Variants in PSMC6 observed in about 807,000 individuals in gnomAD.
PSMC6 encodes the protein 26S proteasome regulatory subunit 10B.
PSMC6 carries 3 observed loss-of-function variants against 55.9 expected under a neutral mutation model. The ratio of observed to expected loss-of-function variants is 0.05; its 90% CI spans 0.02 to 0.14. The LOEUF (loss-of-function observed/expected upper bound fraction) is 0.14. Among genes scored for constraint, PSMC6 ranks in the 10% least tolerant of loss-of-function variants. The pLI is 1.00. For synonymous variants in PSMC6, 137 were observed against 155.9 expected, an observed-to-expected ratio of 0.88 and a Z score of 0.90; for missense variants, 210 against 478.7, an observed-to-expected ratio of 0.44 and a Z score of 5.24.
intron 4 of PSMC6, 200 bp downstream of exon 4, chr14:52,709,016 G>A: frequency 8.7e-6 from 5 of 576,804 alleles, no homozygotes; most frequent in Non-Finnish European, 1.1e-5. Flanking sequence ...ACTTTCTACT[G>A]TATTACATTG....
At chr14:52,710,997 C>A in intron 4 of PSMC6, 104 bp from the exon 5 acceptor site, 12 of 880,960 alleles carry the variant, frequency 1.4e-5, no homozygotes, top group East Asian at 2.8e-5. Context: ...TGTGTTCTCT[C>A]TGGAGGGTAA....
chr14:52,711,058 G>A (rs376716862), intron 4 of PSMC6, 43 bp from the exon 5 acceptor site: 64 of 1,151,480 alleles, frequency 5.6e-5, no homozygotes, highest in Admixed American at 1.3e-4. Flanking sequence ...GTGTTATTCC[G>A]TTTTTAAGTG....
Position 52,719,029 on chromosome 14 carries a change from G to T in PSMC6, c.768G>T (p.Thr256=). Residue 256 remains threonine, a synonymous_variant, in exon 10 of 14, where the codon ACG becomes ACT. Coordinates refer to ENST00000445930, the MANE Select transcript of PSMC6 (RefSeq NM_002806.5). ...CAGCTGACAGAGAGATTCAGAGAAC[G>T]TTAATGGAGGTAATATTTGGTAAAG... is the stretch of plus-strand genomic sequence containing the variant. ...GTSADREIQR[T]LMELLNQMDG... 1.2e-6 allele frequency: 2 copies of T among 1,610,118 alleles called. No homozygotes were observed. The highest frequency in any genetic ancestry group is 1.7e-6 in the Non-Finnish European group (2 of 1,176,486).
chr14:52,715,619 CTTT>C (rs35579887), intron 7 of PSMC6, among the ~76,000 whole-genome samples: 4 of 140,974 alleles, frequency 2.8e-5, no homozygotes, highest in Admixed American at 7.1e-5. Context: ...CTTTTCTTTT[CTTT>C]TTTTTTTTTT....
At chr14:52,719,862 C>T (rs1594852554) in intron 10 of PSMC6, among the ~76,000 whole-genome samples, 1 of 152,010 alleles carries the variant, frequency 6.6e-6, no homozygotes, top group Admixed American at 6.6e-5. Flanking sequence ...TTCATTTATT[C>T]AAGAAAACTT....
intron 3 of PSMC6, 115 bp downstream of exon 3, chr14:52,708,637 G>GA: frequency 6.5e-7 from 1 of 1,529,428 alleles, no homozygotes; most frequent in Non-Finnish European, 8.9e-7. Context: ...TTTTTGAATA[G>GA]ACTTAAGTTT....
chr14:52,707,417 AGG>A, intron 1 of PSMC6, 113 bp downstream of exon 1: 1 of 1,416,768 alleles, frequency 7.1e-7, no homozygotes, highest in Non-Finnish European at 9.6e-7. Context: ...GACCAGGCCT[AGG>A]GCCAGGGACA....
At chr14:52,719,488 CAG>C (rs1239624432) in intron 10 of PSMC6, among the ~76,000 whole-genome samples, 1 of 152,150 alleles carries the variant, frequency 6.6e-6, no homozygotes, top group Non-Finnish European at 1.5e-5. Flanking sequence ...GGATAGATGA[CAG>C]AATGAAAGAA....
chr14:52,715,856 ACCCG>A (rs2041825006), intron 7 of PSMC6, among the ~76,000 whole-genome samples: 4 of 151,782 alleles, frequency 2.6e-5, no homozygotes, highest in Admixed American at 2.6e-4. Flanking sequence ...GGCTCAAGCA[ACCCG>A]CCCACCTCAG....
At position 52,727,796 on chromosome 14, in the gene PSMC6, G is replaced by C; in HGVS notation, c.*179G>C. The C allele has an allele frequency of 2.2e-6, 1 of 462,756 alleles. No homozygotes were observed. Among genetic ancestry groups the C allele is most frequent in the Non-Finnish European group, 3.9e-6 (1 of 259,018 alleles). The allele number at this position is 462,756 out of a possible 1,614,324, so 28.7% of individuals were successfully genotyped here. On this transcript the variant is annotated 3_prime_UTR_variant, in exon 14 of 14. Transcript: ENST00000445930. ...AGATACAGAAGAAATTTGTATGTTTGTTAAAGTTGCATTTATTGCAGCAAG... is the reference window on the plus strand; with the variant it reads ...AGATACAGAAGAAATTTGTATGTTTCTTAAAGTTGCATTTATTGCAGCAAG...
rs919086509 is a variant in PSMC6, at chr14:52,708,961, C to T, written c.258+145C>T. On this transcript the variant is annotated intron_variant, in intron 4 of 13. Transcript: ENST00000445930. ...TTGTTCAGACATAGCTAGTTATTAACAAAGCCTGAATTCAAACCATGGGCT... is the reference window on the plus strand; with the variant it reads ...TTGTTCAGACATAGCTAGTTATTAATAAAGCCTGAATTCAAACCATGGGCT... The T allele has an allele frequency of 3.3e-6, 4 of 1,199,982 alleles. No individual in the cohort carries two copies. In the Admixed American group the frequency reaches 9.6e-5, roughly 29 times the overall value. 74.3% of individuals were successfully genotyped at this position (1,199,982 alleles called of 1,614,324 possible).
At chr14:52,715,044 T>C (rs1031640587) in intron 7 of PSMC6, among the ~76,000 whole-genome samples, 6 of 152,112 alleles carry the variant, frequency 3.9e-5, no homozygotes, top group Non-Finnish European at 8.8e-5. Flanking sequence ...ATTAAATTAC[T>C]TGCACTGTAG....
At chr14:52,709,488 AT>A in intron 4 of PSMC6, 2 of 401,792 alleles carry the variant, frequency 5.0e-6, no homozygotes, top group East Asian at 8.4e-5. Flanking sequence ...TCCTATTAGG[AT>A]TTTGCCTAGT....
intron 1 of PSMC6, 69 bp from the exon 2 acceptor site, chr14:52,708,240 T>G (rs2041726103): frequency 7.6e-7 from 1 of 1,314,140 alleles, no homozygotes. Flanking sequence ...AACAGTAAAG[T>G]GAGACGTAGC....
In PSMC6 at chr14:52,726,705, G is replaced by A. The variant is rs990856643; in HGVS notation, c.1052-794G>A. 3.3e-5 allele frequency among the ~76,000 whole-genome samples: 5 copies of A among 151,856 alleles called. No homozygotes were observed. The East Asian group carries it at 5.8e-4, about 18-fold the overall frequency. On this transcript the variant is annotated intron_variant, in intron 13 of 13. Coordinates refer to ENST00000445930, the MANE Select transcript of PSMC6 (RefSeq NM_002806.5). ...CACCCAGACTGGAGTGCAGTGGTGC[G>A]ATCTTGGCTCACTGCAACCTCTGCC...
At chr14:52,723,929 T>A in intron 12 of PSMC6, 36 bp from the exon 13 acceptor site, 1 of 1,605,406 alleles carries the variant, frequency 6.2e-7, no homozygotes, top group Non-Finnish European at 8.5e-7. Context: ...AAAGGTCTAA[T>A]TTTTAAAACT....
intron 13 of PSMC6, among the ~76,000 whole-genome samples, chr14:52,725,325 A>G (rs1880369826): frequency 6.6e-6 from 1 of 152,212 alleles, no homozygotes; most frequent in Admixed American, 6.5e-5. Context: ...CAAATGAGCT[A>G]TAACTTCTGT....
chr14:52,715,217 A>G (rs887939484), intron 7 of PSMC6, among the ~76,000 whole-genome samples: 3 of 152,200 alleles, frequency 2.0e-5, no homozygotes, highest in Non-Finnish European at 4.4e-5. Context: ...TCTTTGGGTA[A>G]TATTTTGTGT....
chr14:52,709,183 T>G (rs372464879), intron 4 of PSMC6: 14 of 198,218 alleles, frequency 7.1e-5, no homozygotes, highest in African/African-American at 3.3e-4. Context: ...CTGTTACTTA[T>G]GGACTGTACC....
Sources: allele counts gnomAD v4.1 joint callset (sites outside exome capture counted in the v4.1 genomes callset), GRCh38; gene constraint gnomAD v4.1.1; transcripts MANE v1.5; gene names NCBI Gene and HGNC (gene_info 2026-07-23, HGNC 2026-07-21).